The following PHC2 variants were observed in gnomAD, a reference collection of about 807,000 sequenced individuals.
The protein encoded by PHC2 is polyhomeotic homolog 2.
PHC2 carries 29 observed loss-of-function variants against 87.4 expected under a neutral mutation model. That is an observed-to-expected ratio of 0.33 (90% CI 0.25 to 0.45). The LOEUF (loss-of-function observed/expected upper bound fraction) is 0.45, where lower values mean the gene tolerates loss of function less well. Among genes scored for constraint, PHC2 ranks in the 20% least tolerant of loss-of-function variants. The pLI, the probability that PHC2 is intolerant of heterozygous loss-of-function variation, is 1.00. For missense variants in PHC2, 857 were observed against 1,136.7 expected, an observed-to-expected ratio of 0.75 and a Z score of 3.54; for synonymous variants, 438 against 461.7, an observed-to-expected ratio of 0.95 and a Z score of 0.66.
intron 1 of PHC2, among the ~76,000 whole-genome samples, chr1:33,420,920 C>T (rs72660103): frequency 0.098 from 14,907 of 152,220 alleles, 1,042 homozygotes; most frequent in East Asian, 0.28. Context: ...CTATTTTCAC[C>T]TCTTTGAGCC....
At chr1:33,408,622 G>A (rs534311815) in intron 1 of PHC2, among the ~76,000 whole-genome samples, 16 of 152,024 alleles carry the variant, frequency 1.1e-4, no homozygotes, top group Middle Eastern at 6.8e-3. Flanking sequence ...CACCATAACC[G>A]GCTAATTTTT....
chr1:33,401,698 A>G (rs1405901156), intron 1 of PHC2, among the ~76,000 whole-genome samples: 1 of 152,186 alleles, frequency 6.6e-6, no homozygotes, highest in Non-Finnish European at 1.5e-5. Flanking sequence ...GAAGTTCCCA[A>G]AATAGACCCA....
At chr1:33,330,044 G>A in intron 13 of PHC2, 27 bp downstream of exon 13, 1 of 1,610,184 alleles carries the variant, frequency 6.2e-7, no homozygotes, top group Non-Finnish European at 8.5e-7. Flanking sequence ...TGTGGGGATG[G>A]AGCTTCAGGC....
In PHC2 at chr1:33,331,890, A is replaced by G. The variant is rs909325133; in HGVS notation, c.1891+385T>C. 6.6e-6 allele frequency among the ~76,000 whole-genome samples: 1 copy of G among 152,278 alleles called. No individual in the cohort carries two copies. Among genetic ancestry groups the G allele is most frequent in the East Asian group, 1.9e-4 (1 of 5,200 alleles). On this transcript the variant is annotated intron_variant, in intron 11 of 14. Transcript: ENST00000683057. This position sits in a 1 kb window ranked among gnomAD's most constrained non-coding sequence, Gnocchi z 5.2. ...GCTCCTGCAGCTGTGCAGCTCTGTC[A>G]GTGCTTCATGTGGAAAGAGCAGCCT...
At chr1:33,426,708 G>A (rs1024850860) in intron 1 of PHC2, among the ~76,000 whole-genome samples, 10 of 152,022 alleles carry the variant, frequency 6.6e-5, no homozygotes, top group African/African-American at 9.7e-5. Flanking sequence ...CAAAATGAGG[G>A]GACCATAGGA....
chr1:33,324,824 G>A lies in PHC2; in HGVS notation c.*41C>T, dbSNP rs755486479. 2.5e-6 allele frequency: 4 copies of A among 1,586,506 alleles called. No homozygotes were observed. The highest frequency in any genetic ancestry group is 1.9e-4 in the Middle Eastern group (1 of 5,326). On this transcript the variant is annotated 3_prime_UTR_variant, in exon 15 of 15. Transcript: ENST00000683057. ...ATGTCTGTCTGGCTCTGCTCAGTCG[G>A]GAGGAGGCGCCCTGGGCCAGAATCC...
rs927544839 is a variant in PHC2 at position 33,369,730 on chromosome 1, T to C, written c.576+691A>G. Among the ~76,000 whole-genome samples, 1 of 152,084 alleles carries C rather than the reference T, an allele frequency of 6.6e-6. No homozygotes were observed. Among genetic ancestry groups the C allele is most frequent in the Non-Finnish European group, 1.5e-5 (1 of 68,004 alleles). ...GGAGCAGACTTCAGAATGGGAGGTA[T>C]GAGACACGACCCACAGTGACTGAGC... On this transcript the variant is annotated intron_variant, in intron 5 of 14. Coordinates refer to ENST00000683057, the MANE Select transcript of PHC2 (RefSeq NM_001385109.1). This position sits in a 1 kb window ranked among gnomAD's most constrained non-coding sequence, Gnocchi z 4.7.
intron 9 of PHC2, chr1:33,348,956 C>T: frequency 3.3e-6 from 2 of 613,272 alleles, no homozygotes; most frequent in South Asian, 1.4e-4. Flanking sequence ...TGCAACCTGA[C>T]CTTGGGCCAA....
chr1:33,348,255 G>C (rs1345102944), intron 9 of PHC2, among the ~76,000 whole-genome samples: 2 of 151,816 alleles, frequency 1.3e-5, no homozygotes, highest in Non-Finnish European at 2.9e-5. Context: ...TCTGCCACAG[G>C]TCTGTTGCCC....
At position 33,332,524 on chromosome 1, in the gene PHC2, C is replaced by T; in HGVS notation, c.1762-120G>A. 1 of 1,203,434 alleles carries T rather than the reference C, an allele frequency of 8.3e-7. No homozygotes were observed. Among genetic ancestry groups the T allele is most frequent in the Non-Finnish European group, 1.2e-6 (1 of 835,036 alleles). The allele number at this position is 1,203,434 out of a possible 1,614,324, so 74.5% of individuals were successfully genotyped here. On this transcript the variant is annotated intron_variant, in intron 10 of 14. Coordinates refer to ENST00000683057, the MANE Select transcript of PHC2 (RefSeq NM_001385109.1). The surrounding 1 kb of genome is among the most constrained non-coding windows in gnomAD (Gnocchi z 4.2). ...GCACAGAGGCCAGCCCTCCTCAAACCTTCCCCCATGTCATCATCCAAGTGT... is the reference window on the plus strand; with the variant it reads ...GCACAGAGGCCAGCCCTCCTCAAACTTTCCCCCATGTCATCATCCAAGTGT...
intron 1 of PHC2, among the ~76,000 whole-genome samples, chr1:33,378,397 C>T (rs140680468): frequency 2.6e-5 from 4 of 152,338 alleles, no homozygotes; most frequent in Non-Finnish European, 5.9e-5. Flanking sequence ...GACTACCTCA[C>T]AGAATCCCAA....
At chr1:33,356,249 T>TTATATATATATATATATATATGTATA (rs1553185621) in intron 7 of PHC2, among the ~76,000 whole-genome samples, 7 of 101,530 alleles carry the variant, frequency 6.9e-5, no homozygotes, top group South Asian at 3.5e-4. Flanking sequence ...GTGAAAATTC[T>TTATATATATATATATATATATGTATA]TATATATATA....
rs1647677736 is a variant in PHC2 at position 33,369,278 on chromosome 1, A to T, written c.577-656T>A. On this transcript the variant is annotated intron_variant, in intron 5 of 14. Coordinates refer to ENST00000683057, the MANE Select transcript of PHC2 (RefSeq NM_001385109.1). This position sits in a 1 kb window ranked among gnomAD's most constrained non-coding sequence, Gnocchi z 4.7. ...GACACCTCGACCTCCGTGGGAGTCTAGCTCTGCATCAGTGTGGATGTGCTG... is the reference window on the plus strand; with the variant it reads ...GACACCTCGACCTCCGTGGGAGTCTTGCTCTGCATCAGTGTGGATGTGCTG... 2.6e-5 allele frequency among the ~76,000 whole-genome samples: 4 copies of T among 152,214 alleles called. No homozygotes were observed.
intron 1 of PHC2, among the ~76,000 whole-genome samples, chr1:33,412,425 C>T (rs1211688127): frequency 1.3e-5 from 2 of 151,952 alleles, no homozygotes; most frequent in Admixed American, 6.5e-5. Context: ...TGCATTCAAA[C>T]ACTAAACATC....
Position 33,382,850 on chromosome 1 carries a change from CTG to C in PHC2, c.-54-7259_-54-7258del, listed in dbSNP as rs1326761433. Among the ~76,000 whole-genome samples, 2 of 152,168 alleles carry C rather than the reference CTG, an allele frequency of 1.3e-5. No homozygotes were observed. Among genetic ancestry groups the C allele is most frequent in the African/African-American group, 4.8e-5 (2 of 41,446 alleles). On this transcript the variant is annotated intron_variant, in intron 1 of 14. Coordinates refer to ENST00000683057, the MANE Select transcript of PHC2 (RefSeq NM_001385109.1). This position sits in a 1 kb window ranked among gnomAD's most constrained non-coding sequence, Gnocchi z 4.3. ...GAAATCCATTTGCTGTGGATTACAG[CTG>C]TGACAGAGGTTCCGGGAAAGCAGAG...
chr1:33,333,502 C>T (rs927138613), intron 10 of PHC2: 1 of 158,076 alleles, frequency 6.3e-6, no homozygotes, highest in African/African-American at 2.4e-5. Flanking sequence ...AATAACCCAT[C>T]TTCGTGGCTC....
chr1:33,343,948 A>T (rs561260141), intron 9 of PHC2, among the ~76,000 whole-genome samples: 1 of 152,228 alleles, frequency 6.6e-6, no homozygotes, highest in Non-Finnish European at 1.5e-5. Context: ...TTCAATGGCT[A>T]TTAATCTAAA....
At chr1:33,347,446 G>C (rs1482857675) in intron 9 of PHC2, 4 of 985,252 alleles carry the variant, frequency 4.1e-6, no homozygotes, top group Non-Finnish European at 4.8e-6. Flanking sequence ...GCTTGACAAA[G>C]GTAAATTAAA....
rs1333979394 is a variant in PHC2 at position 33,325,148 on chromosome 1, T to TA, written c.2426-130_2426-129insT. The TA allele has an allele frequency of 1.4e-4, 129 of 908,490 alleles. 1 individual carries two copies. The highest frequency in any genetic ancestry group is 2.3e-4 in the Middle Eastern group (1 of 4,384). The allele number at this position is 908,490 out of a possible 1,614,324, so 56.3% of individuals were successfully genotyped here. ...TTCTTTTAGTCCTCATAACCACGCC[T>TA]TGAGGAAGGCGCTGCTGTTCTTATT... On this transcript the variant is annotated intron_variant, in intron 14 of 14. Transcript: ENST00000683057.
Sources: allele counts gnomAD v4.1 joint callset (sites outside exome capture counted in the v4.1 genomes callset), GRCh38; gene constraint gnomAD v4.1.1; non-coding constraint Gnocchi (gnomAD v3.1); transcripts MANE v1.5; gene names NCBI Gene and HGNC (gene_info 2026-07-23, HGNC 2026-07-21).